Variants in CPQ observed in about 807,000 individuals in gnomAD.
The protein encoded by CPQ is Ser-Met dipeptidase.
A neutral mutation model predicts 45.7 loss-of-function variants in CPQ; 37 were observed. That is an observed-to-expected ratio of 0.81 (90% confidence interval 0.62 to 1.07). CPQ has a LOEUF of 1.07. Among genes scored for constraint, CPQ ranks in the 50% least tolerant of loss-of-function variants. The pLI, the probability that CPQ is intolerant of heterozygous loss-of-function variation, is 0.00. For synonymous variants in CPQ, 186 were observed against 205.8 expected, an observed-to-expected ratio of 0.90 and a Z score of 0.82; for missense variants, 537 against 572.9, an observed-to-expected ratio of 0.94 and a Z score of 0.64.
chr8:96,827,856 A>G (rs1242111789), intron 2 of CPQ, among the ~76,000 whole-genome samples: 1 of 152,124 alleles, frequency 6.6e-6, no homozygotes, highest in Non-Finnish European at 1.5e-5. Flanking sequence ...CTTTAAGCAT[A>G]TATCGAATAA....
intron 1 of CPQ, among the ~76,000 whole-genome samples, chr8:96,679,205 T>G (rs956503096): frequency 1.3e-5 from 2 of 152,144 alleles, no homozygotes; most frequent in Non-Finnish European, 2.9e-5. Flanking sequence ...CCTCATTCTG[T>G]TGATGTGATG....
intron 4 of CPQ, among the ~76,000 whole-genome samples, chr8:96,892,814 C>T (rs1812395720): frequency 6.6e-6 from 1 of 152,096 alleles, no homozygotes; most frequent in South Asian, 2.1e-4. Flanking sequence ...ACTCTTTCCT[C>T]CAATCAAGTC....
chr8:96,753,270 G>C lies in CPQ; in HGVS notation c.-34-31594G>C, dbSNP rs539707275. Among the ~76,000 whole-genome samples, 207 of 152,128 alleles carry C rather than the reference G, an allele frequency of 1.4e-3. 1 individual carries two copies. The highest frequency in any genetic ancestry group is 2.4e-3 in the Non-Finnish European group (164 of 67,942). On this transcript the variant is annotated intron_variant, in intron 1 of 7. Transcript: ENST00000220763. ...GTTTTGTTGTGTTAATTCGTCTGTT[G>C]ATTCTTATACCACCATTACACTATT... is the stretch of plus-strand genomic sequence containing the variant.
At chr8:96,948,642 G>A (rs971334018) in intron 4 of CPQ, among the ~76,000 whole-genome samples, 1 of 152,042 alleles carries the variant, frequency 6.6e-6, no homozygotes, top group Non-Finnish European at 1.5e-5. Flanking sequence ...TGCTCCGTAT[G>A]TATCTGTTAG....
At chr8:96,697,660 G>A (rs1809403732) in intron 1 of CPQ, among the ~76,000 whole-genome samples, 1 of 152,068 alleles carries the variant, frequency 6.6e-6, no homozygotes, top group Non-Finnish European at 1.5e-5. Context: ...AATTCAGTAA[G>A]GTGGCAGGAT....
intron 1 of CPQ, among the ~76,000 whole-genome samples, chr8:96,781,644 C>T (rs1488104025): frequency 9.2e-5 from 14 of 152,152 alleles, no homozygotes. Flanking sequence ...TTTATTTCAT[C>T]CCAATAGCTC....
chr8:96,916,916 T>A (rs1440455492), intron 4 of CPQ, among the ~76,000 whole-genome samples: 1 of 152,162 alleles, frequency 6.6e-6, no homozygotes, highest in Non-Finnish European at 1.5e-5. Flanking sequence ...ACCACAGAGG[T>A]AAATTGCCAT....
At chr8:97,019,035 G>A (rs907808163) in intron 5 of CPQ, among the ~76,000 whole-genome samples, 1 of 152,160 alleles carries the variant, frequency 6.6e-6, no homozygotes, top group Non-Finnish European at 1.5e-5. Context: ...GCAGATTTCT[G>A]AGCAGAAACC....
intron 1 of CPQ, among the ~76,000 whole-genome samples, chr8:96,662,761 G>A (rs1490706563): frequency 6.6e-6 from 1 of 152,126 alleles, no homozygotes; most frequent in African/African-American, 2.4e-5. Flanking sequence ...TGAGTGGCAG[G>A]CAGATCGCTT....
At chr8:96,748,318 A>G (rs1003746949) in intron 1 of CPQ, among the ~76,000 whole-genome samples, 1 of 152,092 alleles carries the variant, frequency 6.6e-6, no homozygotes, top group Admixed American at 6.6e-5. Flanking sequence ...GGCTTACTAG[A>G]CCTTTCCAAG....
At chr8:97,044,277 G>A (rs752568927) in intron 6 of CPQ, among the ~76,000 whole-genome samples, 3 of 151,902 alleles carry the variant, frequency 2.0e-5, no homozygotes, top group Non-Finnish European at 4.4e-5. Flanking sequence ...TGATTGCATC[G>A]GCTCCTGAGG....
At chr8:96,926,776 C>A (rs1812897621) in intron 4 of CPQ, among the ~76,000 whole-genome samples, 1 of 151,800 alleles carries the variant, frequency 6.6e-6, no homozygotes, top group Non-Finnish European at 1.5e-5. Flanking sequence ...TTGCTGCACC[C>A]ATCAACCTGT....
At chr8:96,936,316 CA>C (rs1351134764) in intron 4 of CPQ, among the ~76,000 whole-genome samples, 5 of 152,154 alleles carry the variant, frequency 3.3e-5, no homozygotes, top group Admixed American at 6.6e-5. Flanking sequence ...AAATTGTTTT[CA>C]GGTCTGTTTC....
At position 97,063,738 on chromosome 8, in the gene CPQ, CT is replaced by C. The variant is rs201860598; in HGVS notation, c.1054-2262del. On this transcript the variant is annotated intron_variant, in intron 6 of 7. Transcript: ENST00000220763. Reference sequence around the variant, plus strand: ...TAAATGGGGAACCGTTTCCCCATTGCTTTTTTTTTGTCAGCTTTGTCAAAGA... The same window carrying C: ...TAAATGGGGAACCGTTTCCCCATTGCTTTTTTTTGTCAGCTTTGTCAAAGA... Among the ~76,000 whole-genome samples, 263 of 150,902 alleles carry C rather than the reference CT, an allele frequency of 1.7e-3. 3 individuals carry two copies. Among genetic ancestry groups the C allele is most frequent in the Admixed American group, 0.013 (197 of 15,104 alleles).
chr8:97,012,713 C>A (rs115967400), intron 5 of CPQ, among the ~76,000 whole-genome samples: 1,583 of 152,212 alleles, frequency 0.01, 24 homozygotes, highest in African/African-American at 0.036. Flanking sequence ...AAATTTCTCC[C>A]TTACCTTAAC....
chr8:97,069,347 C>T (rs1810695963), intron 7 of CPQ, among the ~76,000 whole-genome samples: 1 of 151,630 alleles, frequency 6.6e-6, no homozygotes, highest in South Asian at 2.1e-4. Context: ...TCAGGTACCT[C>T]ACTGTGTGCA....
intron 5 of CPQ, among the ~76,000 whole-genome samples, chr8:96,967,446 A>C (rs1813585497): frequency 6.6e-6 from 1 of 152,232 alleles, no homozygotes; most frequent in African/African-American, 2.4e-5. Flanking sequence ...GATTGGAATA[A>C]AAATTGTATC....
chr8:96,841,019 T>C (rs1449248640), intron 3 of CPQ, among the ~76,000 whole-genome samples: 2 of 152,184 alleles, frequency 1.3e-5, no homozygotes, highest in African/African-American at 4.8e-5. Flanking sequence ...TCTGCCAAGT[T>C]TTCCCCTCTT....
intron 1 of CPQ, among the ~76,000 whole-genome samples, chr8:96,723,588 C>T (rs1809795416): frequency 6.6e-6 from 1 of 152,132 alleles, no homozygotes; most frequent in African/African-American, 2.4e-5. Flanking sequence ...TCTCTCCCTC[C>T]CTAAATGAGT....
Sources: allele counts gnomAD v4.1 joint callset (sites outside exome capture counted in the v4.1 genomes callset), GRCh38; gene constraint gnomAD v4.1.1; transcripts MANE v1.5; gene names NCBI Gene and HGNC (gene_info 2026-07-23, HGNC 2026-07-21).